Variants in SLC15A5 observed in about 807,000 individuals in gnomAD.
SLC15A5 encodes solute carrier family 15 member 5.
A neutral mutation model predicts 56.1 loss-of-function variants in SLC15A5; 58 were observed. The ratio of observed to expected loss-of-function variants is 1.03; its 90% CI spans 0.84 to 1.29. The LOEUF (loss-of-function observed/expected upper bound fraction) is 1.29. Ranked by LOEUF, SLC15A5 falls within the 50% of genes most tolerant of loss-of-function variation. The pLI is 0.00. For missense variants in SLC15A5, 681 were observed against 672.1 expected (o/e 1.01, Z -0.15); for synonymous variants, 264 against 250.5 (o/e 1.05, Z -0.51).
At chr12:16,229,371 T>A (rs1053632640) in intron 5 of SLC15A5, among the ~76,000 whole-genome samples, 5 of 152,208 alleles carry the variant, frequency 3.3e-5, no homozygotes, top group African/African-American at 1.2e-4. Context: ...TCTTAGGGAC[T>A]TTTATTTGCT....
intron 3 of SLC15A5, among the ~76,000 whole-genome samples, chr12:16,256,870 AT>A (rs61711379): frequency 0.054 from 7,714 of 141,882 alleles, 405 homozygotes; most frequent in African/African-American, 0.13. Flanking sequence ...AAAAAAAAAA[AT>A]AATAATAATA....
At chr12:16,234,594 A>G (rs979438665) in intron 5 of SLC15A5, among the ~76,000 whole-genome samples, 21 of 152,174 alleles carry the variant, frequency 1.4e-4, no homozygotes, top group African/African-American at 5.1e-4. Context: ...TGTACTTACA[A>G]GATAAAGCAC....
chr12:16,233,456 T>C (rs1864318239), intron 5 of SLC15A5, among the ~76,000 whole-genome samples: 1 of 152,240 alleles, frequency 6.6e-6, no homozygotes. Flanking sequence ...AAAGGTGTTT[T>C]CTATTATCAA....
At chr12:16,193,751 G>T (rs1425673915) in intron 8 of SLC15A5, among the ~76,000 whole-genome samples, 1 of 137,940 alleles carries the variant, frequency 7.2e-6, no homozygotes, top group Non-Finnish European at 1.5e-5. Context: ...TTTCTCAAAA[G>T]TACACAGCTG....
chr12:16,191,482 A>G (rs1345562848), intron 8 of SLC15A5, among the ~76,000 whole-genome samples: 4 of 151,944 alleles, frequency 2.6e-5, no homozygotes, highest in Admixed American at 6.6e-5. Context: ...GAACAGATAC[A>G]CCTTTGGGTT....
At position 16,193,831 on chromosome 12, in the gene SLC15A5, GA is replaced by G. The variant is rs1565654536; in HGVS notation, c.1592+513del. Among the ~76,000 whole-genome samples, 577 of 126,954 alleles carry G rather than the reference GA, an allele frequency of 4.5e-3. 22 individuals carry two copies. The highest frequency in any genetic ancestry group is 0.015 in the African/African-American group (500 of 33,848). The allele number at this position is 126,954 out of a possible 152,430, so 83.3% of individuals were successfully genotyped here. A position where few individuals can be genotyped will look rare whatever the true frequency, so the allele number is the denominator to read the frequency against. On this transcript the variant is annotated intron_variant, in intron 8 of 8. Coordinates refer to ENST00000344941, the MANE Select transcript of SLC15A5 (RefSeq NM_001170798.1). ...AGAGAGAGAGAGAGAGAGAGAGAGA[GA>G]GAGAGAGAGAGAGGCTGGCAATGGA...
intron 4 of SLC15A5, 89 bp from the exon 5 acceptor site, chr12:16,239,956 G>T: frequency 1.7e-6 from 2 of 1,180,734 alleles, no homozygotes; most frequent in Non-Finnish European, 2.3e-6. Context: ...CCTCTTGCAC[G>T]TACTCTGTGA....
chr12:16,277,129 A>AAC (rs59004314), intron 1 of SLC15A5, among the ~76,000 whole-genome samples, 196 bp downstream of exon 1: 21,961 of 149,270 alleles, frequency 0.15, 1,658 homozygotes, highest in Admixed American at 0.23. Context: ...AACATTCTCT[A>AAC]ACACACACAC....
intron 6 of SLC15A5, among the ~76,000 whole-genome samples, chr12:16,218,774 T>C (rs1864156660): frequency 6.6e-6 from 1 of 152,182 alleles, no homozygotes; most frequent in East Asian, 1.9e-4. Context: ...AAACATTTAG[T>C]TTCCTTCTCT....
At chr12:16,239,948 T>A in intron 4 of SLC15A5, 81 bp from the exon 5 acceptor site, 1 of 1,251,806 alleles carries the variant, frequency 8.0e-7, no homozygotes, top group Admixed American at 2.4e-5. Flanking sequence ...AGGCCTACCC[T>A]CTTGCACGTA....
At chr12:16,272,175 C>T (rs1864766903) in intron 2 of SLC15A5, among the ~76,000 whole-genome samples, 2 of 152,112 alleles carry the variant, frequency 1.3e-5, no homozygotes, top group South Asian at 2.1e-4. Flanking sequence ...GAGGTATTAT[C>T]CCCCTTCAGA....
intron 3 of SLC15A5, among the ~76,000 whole-genome samples, chr12:16,249,039 A>G (rs1015672497): frequency 1.3e-5 from 2 of 152,048 alleles, no homozygotes; most frequent in African/African-American, 4.8e-5. Flanking sequence ...CCTTGGCTCT[A>G]ATATTCTACT....
intron 1 of SLC15A5, among the ~76,000 whole-genome samples, chr12:16,276,165 A>G (rs542304880): frequency 6.6e-6 from 1 of 152,144 alleles, no homozygotes; most frequent in East Asian, 1.9e-4. Context: ...ATTATTTGCC[A>G]TGCAGTGACC....
At chr12:16,218,057 A>T (rs1864147483) in intron 6 of SLC15A5, among the ~76,000 whole-genome samples, 1 of 152,206 alleles carries the variant, frequency 6.6e-6, no homozygotes, top group Non-Finnish European at 1.5e-5. Context: ...TTTGATGTTT[A>T]TTATAATATG....
intron 7 of SLC15A5, among the ~76,000 whole-genome samples, chr12:16,204,605 G>A (rs1863996341): frequency 6.6e-6 from 1 of 151,848 alleles, no homozygotes; most frequent in African/African-American, 2.4e-5. Flanking sequence ...AAAGGAGAGT[G>A]ATACTAAGCT....
At chr12:16,198,878 T>C (rs767055867) in intron 7 of SLC15A5, among the ~76,000 whole-genome samples, 1 of 152,106 alleles carries the variant, frequency 6.6e-6, no homozygotes, top group Non-Finnish European at 1.5e-5. Flanking sequence ...TGCCCTACGT[T>C]GTAAGGCTCA....
chr12:16,262,992 G>A (rs137949884), intron 2 of SLC15A5, among the ~76,000 whole-genome samples: 1 of 152,224 alleles, frequency 6.6e-6, no homozygotes, highest in Non-Finnish European at 1.5e-5. Context: ...TATCAGCAGT[G>A]TGAAAGCAGA....
intron 3 of SLC15A5, among the ~76,000 whole-genome samples, chr12:16,252,118 A>G (rs1235739864): frequency 6.6e-6 from 1 of 152,080 alleles, no homozygotes; most frequent in African/African-American, 2.4e-5. Flanking sequence ...ACACCCTTTC[A>G]TGATAAAAAC....
chr12:16,189,721 C>T lies in SLC15A5; in HGVS notation c.1687G>A (p.Gly563Ser). ...LLHEKSLKFY[G>S]SIQEFSSSID... ...CTTGAAGAAAATTCCTGTATACTGC[C>T]ATAAAATTTCAGAGATTTTTCGTGG... Residue 563 changes from glycine (G) to serine (S), a missense_variant, in exon 9 of 9, where the codon GGC (glycine) becomes AGC (serine). By Grantham distance (56) the Gly-to-Ser change is moderately conservative. Transcript: ENST00000344941. 6.5e-7 allele frequency: 1 copy of T among 1,530,254 alleles called. No individual in the cohort carries two copies. The highest frequency in any genetic ancestry group is 8.7e-7 in the Non-Finnish European group (1 of 1,143,408). 94.8% of individuals were successfully genotyped at this position (1,530,254 alleles called of 1,614,324 possible). A position where few individuals can be genotyped will look rare whatever the true frequency, so the allele number is the denominator to read the frequency against.
Sources: gnomAD v4.1 joint callset for allele counts (sites outside exome capture counted in the v4.1 genomes callset) on GRCh38, gnomAD v4.1.1 for gene constraint, MANE v1.5 for transcripts, NCBI Gene and HGNC (gene_info 2026-07-23, HGNC 2026-07-21) for gene names.